ATP2B4: variants seen among roughly 807,000 people sequenced by gnomAD.
ATP2B4 encodes the protein ATPase plasma membrane Ca2+ transporting 4, also known as plasma membrane calcium-transporting ATPase 4.
A neutral mutation model predicts 110.3 loss-of-function variants in ATP2B4; 39 were observed. The ratio of observed to expected loss-of-function variants is 0.35; its 90% confidence interval spans 0.27 to 0.46. The LOEUF (loss-of-function observed/expected upper bound fraction) is 0.46. Among genes scored for constraint, ATP2B4 ranks in the 20% least tolerant of loss-of-function variants. ATP2B4 has a pLI of 1.00. For synonymous variants in ATP2B4, 538 were observed against 571.7 expected, an observed-to-expected ratio of 0.94 and a Z score of 0.84; for missense variants, 1,135 against 1,530.9, an observed-to-expected ratio of 0.74 and a Z score of 4.32.
intron 3 of ATP2B4, among the ~76,000 whole-genome samples, chr1:203,698,912 C>T (rs1439894737): frequency 6.6e-6 from 1 of 152,158 alleles, no homozygotes; most frequent in Non-Finnish European, 1.5e-5. Context: ...GCTGGGATTA[C>T]AGGCGTGACC....
intron 1 of ATP2B4, among the ~76,000 whole-genome samples, chr1:203,676,850 G>A (rs1271047390): frequency 6.6e-6 from 1 of 152,114 alleles, no homozygotes; most frequent in Non-Finnish European, 1.5e-5. Flanking sequence ...GGGGAAGGGA[G>A]GGTGTCTGCT....
Position 203,688,583 on chromosome 1 carries a change from T to C in ATP2B4, c.193+5185T>C, listed in dbSNP as rs372087959. ...CCCCAAAGTGCTAGGATTACAGGCA[T>C]GAGCCCTCATGCGCAGCCTCAGCCC... On this transcript the variant is annotated intron_variant, in intron 2 of 20. Transcript: ENST00000357681. Among the ~76,000 whole-genome samples, 75 of 152,300 alleles carry C rather than the reference T, an allele frequency of 4.9e-4. 1 individual carries two copies. Among genetic ancestry groups the C allele is most frequent in the African/African-American group, 1.8e-3 (73 of 41,558 alleles).
chr1:203,630,486 G>A (rs1663234855), intron 1 of ATP2B4, among the ~76,000 whole-genome samples: 1 of 151,136 alleles, frequency 6.6e-6, no homozygotes, highest in South Asian at 2.1e-4. Flanking sequence ...AGAGAGAAAA[G>A]GATCTTGTTC....
At chr1:203,687,447 G>A (rs146275333) in intron 2 of ATP2B4, among the ~76,000 whole-genome samples, 165 of 152,240 alleles carry the variant, frequency 1.1e-3, no homozygotes, top group African/African-American at 3.7e-3. Context: ...GTTCATGGAA[G>A]GCCACACAGC....
At chr1:203,631,546 C>T (rs1034419190) in intron 1 of ATP2B4, among the ~76,000 whole-genome samples, 6 of 152,106 alleles carry the variant, frequency 3.9e-5, no homozygotes, top group South Asian at 2.1e-4. Context: ...ACCTAGGTTG[C>T]GAAATCAATG....
At position 203,699,482 on chromosome 1, in the gene ATP2B4, C is replaced by T. The variant is rs1199998771; in HGVS notation, c.414C>T (p.Thr138=). The change falls in exon 4 of 21, where the codon ACC becomes ACT. Residue 138 remains threonine (T), a synonymous_variant. Coordinates refer to ENST00000357681, the MANE Select transcript of ATP2B4 (RefSeq NM_001684.5). The stretch of plus-strand genomic sequence containing the variant: ...TAGTGTGTGGTCAAGTCGCAACTAC[C>T]CCAGAAGATGAAAATGAGGCACAAG... ...ENELCGQVAT[T]PEDENEAQAG... 2 of 1,614,114 alleles carry T rather than the reference C, an allele frequency of 1.2e-6. No homozygotes were observed. The highest frequency in any genetic ancestry group is 2.2e-5 in the East Asian group (1 of 44,880).
At position 203,674,637 on chromosome 1, in the gene ATP2B4, C is replaced by CT. The variant is rs57153257; in HGVS notation, c.-464-8070dup. On this transcript the variant is annotated intron_variant, in intron 1 of 20. Coordinates refer to ENST00000357681, the MANE Select transcript of ATP2B4 (RefSeq NM_001684.5). ...CACAGGCGTGCAACACCACACCTGG[C>CT]TTTTTTTTTTTTTTTTTTTTTTTTT... Among the ~76,000 whole-genome samples the CT allele has an allele frequency of 4.2e-3, 196 of 46,262 alleles. 26 individuals are homozygous for CT. Among genetic ancestry groups the CT allele is most frequent in the Middle Eastern group, 0.021 (1 of 48 alleles). 30.3% of individuals were successfully genotyped at this position (46,262 alleles called of 152,430 possible). A position where few individuals can be genotyped will look rare whatever the true frequency, so the allele number is the denominator to read the frequency against.
At chr1:203,678,951 T>C (rs1664913766) in intron 1 of ATP2B4, among the ~76,000 whole-genome samples, 1 of 152,120 alleles carries the variant, frequency 6.6e-6, no homozygotes, top group Admixed American at 6.5e-5. Context: ...ATAGAACAGA[T>C]GTTATAGGAA....
rs1199305256 is a variant in ATP2B4, at chr1:203,742,337, CT to C, written c.*2489del. On this transcript the variant is annotated 3_prime_UTR_variant, in exon 21 of 21. Coordinates refer to ENST00000357681, the MANE Select transcript of ATP2B4 (RefSeq NM_001684.5). ...GGAAGAAAAATTGTTGGGTTCTAGA[CT>C]TTTTTAATATAAATTTTGTTGATAT... The C allele has an allele frequency of 6.6e-6, 1 of 152,490 alleles. No homozygotes were observed. The highest frequency in any genetic ancestry group is 2.4e-5 in the African/African-American group (1 of 41,404). 9.4% of individuals were successfully genotyped at this position (152,490 alleles called of 1,614,324 possible). A position where few individuals can be genotyped will look rare whatever the true frequency, so the allele number is the denominator to read the frequency against.
chr1:203,685,571 A>G (rs1360763393), intron 2 of ATP2B4, among the ~76,000 whole-genome samples: 1 of 152,252 alleles, frequency 6.6e-6, no homozygotes, highest in Non-Finnish European at 1.5e-5. Context: ...AGAGAGTTTT[A>G]CATAGATATC....
chr1:203,710,626 C>T (rs1665978697), intron 11 of ATP2B4, among the ~76,000 whole-genome samples: 1 of 152,222 alleles, frequency 6.6e-6, no homozygotes, highest in African/African-American at 2.4e-5. Flanking sequence ...ACTTGCATTG[C>T]ATTCACATAT....
chr1:203,699,197 G>A (rs145610648), intron 3 of ATP2B4, among the ~76,000 whole-genome samples: 2 of 152,302 alleles, frequency 1.3e-5, no homozygotes, highest in African/African-American at 2.4e-5. Context: ...CCATAAGTGT[G>A]ACCTTACATG....
chr1:203,655,342 C>A (rs975551096), intron 1 of ATP2B4, among the ~76,000 whole-genome samples: 1 of 44,964 alleles, frequency 2.2e-5, no homozygotes, highest in Non-Finnish European at 5.5e-5. Context: ...ATCAGTCCTT[C>A]ATGGGGATGT....
intron 1 of ATP2B4, among the ~76,000 whole-genome samples, chr1:203,636,147 G>C (rs7529607): frequency 0.22 from 33,146 of 152,206 alleles, 4,317 homozygotes; most frequent in East Asian, 0.36. Flanking sequence ...CCCAGAGATT[G>C]TTGCTGACCA....
chr1:203,694,504 C>T (rs959488303), intron 2 of ATP2B4, among the ~76,000 whole-genome samples: 1 of 152,156 alleles, frequency 6.6e-6, no homozygotes, highest in Non-Finnish European at 1.5e-5. Context: ...ACAGCTTGTG[C>T]AGAGGCCCTG....
chr1:203,668,972 G>C (rs920822733), intron 1 of ATP2B4, among the ~76,000 whole-genome samples: 3 of 152,156 alleles, frequency 2.0e-5, no homozygotes, highest in South Asian at 2.1e-4. Context: ...AGAAAAATGG[G>C]GAGGTGGAAA....
intron 1 of ATP2B4, among the ~76,000 whole-genome samples, chr1:203,644,338 G>A (rs1663727029): frequency 6.6e-6 from 1 of 151,324 alleles, no homozygotes; most frequent in African/African-American, 2.4e-5. Flanking sequence ...AGACCACAGT[G>A]AACTTTACCT....
At chr1:203,630,753 T>C (rs532212814) in intron 1 of ATP2B4, among the ~76,000 whole-genome samples, 2 of 152,086 alleles carry the variant, frequency 1.3e-5, no homozygotes, top group South Asian at 4.2e-4. Context: ...TCCCAGTGGG[T>C]ATTTGGTGGG....
intron 2 of ATP2B4, among the ~76,000 whole-genome samples, chr1:203,688,618 A>G (rs1198649498): frequency 6.6e-6 from 1 of 152,072 alleles, no homozygotes; most frequent in African/African-American, 2.4e-5. Flanking sequence ...CAATGTTTTG[A>G]TACTGGCTTG....
Sources: gnomAD v4.1 joint callset for allele counts (sites outside exome capture counted in the v4.1 genomes callset) on GRCh38, gnomAD v4.1.1 for gene constraint, MANE v1.5 for transcripts, NCBI Gene and HGNC (gene_info 2026-07-23, HGNC 2026-07-21) for gene names.